The following ENPP7 variants were observed in gnomAD, a reference collection of about 807,000 sequenced individuals.
The protein encoded by ENPP7 is ectonucleotide pyrophosphatase/phosphodiesterase 7, also known as ectonucleotide pyrophosphatase/phosphodiesterase family member 7.
A neutral mutation model predicts 33.6 loss-of-function variants in ENPP7; 39 were observed. That is an observed-to-expected ratio of 1.16 (90% confidence interval 0.90 to 1.52). The LOEUF (loss-of-function observed/expected upper bound fraction) is 1.52. Among genes scored for constraint, ENPP7 ranks in the 40% most tolerant of loss-of-function variants. The pLI is 0.00. For missense variants in ENPP7, 594 were observed against 641.0 expected, an observed-to-expected ratio of 0.93 and a Z score of 0.79; for synonymous variants, 244 against 274.3, an observed-to-expected ratio of 0.89 and a Z score of 1.09.
chr17:79,737,924 C>G lies in ENPP7; in HGVS notation c.1255C>G (p.Leu419Val). 1 of 1,613,842 alleles carries G rather than the reference C, an allele frequency of 6.2e-7. No homozygotes were observed. Among genetic ancestry groups the G allele is most frequent in the Non-Finnish European group, 8.5e-7 (1 of 1,180,010 alleles). Residue 419 changes from leucine (L) to valine (V), a missense_variant, in exon 5 of 6, where the codon CTT (leucine) becomes GTT (valine). Physicochemically the swap from Leu to Val is conservative, Grantham distance 32. Coordinates refer to ENST00000328313, the MANE Select transcript of ENPP7 (RefSeq NM_178543.5). The surrounding 1 kb of genome is among the most constrained non-coding windows in gnomAD (Gnocchi z 5.5). ...LLPMLHTESA[L>V]PPDGRPTLLP... ...CCTCTGGCTTTCCTTAGAATCTGCT[C>G]TTCCGCCTGATGGAAGGCCTACTCT...
chr17:79,736,534 G>GGT (rs2094296051), intron 3 of ENPP7, among the ~76,000 whole-genome samples: 1 of 110,902 alleles, frequency 9.0e-6, no homozygotes, highest in Admixed American at 8.3e-5. Context: ...CTGTGTGATA[G>GGT]GCGTGTGTGT....
Position 79,731,239 on chromosome 17 carries a change from C to T in ENPP7, c.100C>T (p.Leu34Phe), listed in dbSNP as rs1555822433. 2 of 1,613,272 alleles carry T rather than the reference C, an allele frequency of 1.2e-6. No individual in the cohort carries two copies. Among genetic ancestry groups the T allele is most frequent in the Non-Finnish European group, 1.7e-6 (2 of 1,179,988 alleles). Residue 34 changes from leucine (L) to phenylalanine (F), a missense_variant, in exon 1 of 6, where the codon CTC (leucine) becomes TTC (phenylalanine). By Grantham distance (22) the Leu-to-Phe change is conservative. Transcript: ENST00000328313. Reference protein sequence around the residue: ...VQSQGSQNKLLLVSFDGFRWN... With the variant: ...VQSQGSQNKLFLVSFDGFRWN... ...AAGTCAGGGCTCCCAGAACAAGCTG[C>T]TCCTGGTGTCCTTCGACGGCTTCCG...
rs1322376581 is a variant in ENPP7, at chr17:79,737,387, G to C, written c.1246+127G>C. 7 of 717,258 alleles carry C rather than the reference G, an allele frequency of 9.8e-6. No homozygotes were observed. The highest frequency in any genetic ancestry group is 1.7e-5 in the Non-Finnish European group (7 of 423,430). The allele number at this position is 717,258 out of a possible 1,614,324, so 44.4% of individuals were successfully genotyped here. A position where few individuals can be genotyped will look rare whatever the true frequency, so the allele number is the denominator to read the frequency against. On this transcript the variant is annotated intron_variant, in intron 4 of 5. Transcript: ENST00000328313. This position sits in a 1 kb window ranked among gnomAD's most constrained non-coding sequence, Gnocchi z 5.5. ...TGGGGCCACCTCCCCTGGCTTTGGAGAACACCAGAATCTCTCACATTCCCA... is the reference window on the plus strand; with the variant it reads ...TGGGGCCACCTCCCCTGGCTTTGGACAACACCAGAATCTCTCACATTCCCA...
In ENPP7 at chr17:79,730,999, G is replaced by A. The variant is rs570302644; in HGVS notation, c.-141G>A. On this transcript the variant is annotated 5_prime_UTR_variant, in exon 1 of 6. Coordinates refer to ENST00000328313, the MANE Select transcript of ENPP7 (RefSeq NM_178543.5). ...TGACACGGCTGGGGAGCCCACTCCC[G>A]AGGTTCGACCCGGGGATGTGCACAG... 1.4e-4 allele frequency: 129 copies of A among 925,468 alleles called. 1 individual carries two copies. In the East Asian group the frequency reaches 3.1e-3, roughly 22 times the overall value. The allele number at this position is 925,468 out of a possible 1,614,324, so 57.3% of individuals were successfully genotyped here. A position where few individuals can be genotyped will look rare whatever the true frequency, so the allele number is the denominator to read the frequency against.
At position 79,738,664 on chromosome 17, in the gene ENPP7, G is replaced by A. The variant is rs1488220253; in HGVS notation, c.*16+602G>A. ...CACGCGTGGGGTGCATTTGGGAGGAGAGCTCCGGGGCTGCGTTCCTGGAAC... is the reference window on the plus strand; with the variant it reads ...CACGCGTGGGGTGCATTTGGGAGGAAAGCTCCGGGGCTGCGTTCCTGGAAC... On this transcript the variant is annotated intron_variant, in intron 5 of 5. Coordinates refer to ENST00000328313, the MANE Select transcript of ENPP7 (RefSeq NM_178543.5). This position sits in a 1 kb window ranked among gnomAD's most constrained non-coding sequence, Gnocchi z 6.2. 2 of 151,664 alleles carry A rather than the reference G, an allele frequency of 1.3e-5. No individual in the cohort carries two copies. The highest frequency in any genetic ancestry group is 2.4e-5 in the African/African-American group (1 of 41,202). The allele number at this position is 151,664 out of a possible 1,614,324, so 9.4% of individuals were successfully genotyped here.
intron 3 of ENPP7, among the ~76,000 whole-genome samples, chr17:79,736,691 C>A (rs868958470): frequency 2.6e-5 from 4 of 152,156 alleles, no homozygotes; most frequent in African/African-American, 7.2e-5. Context: ...GATGCTGAGC[C>A]GGAAGCGAAG....
In ENPP7 at chr17:79,737,226, G is replaced by T. The variant is rs2094297635; in HGVS notation, c.1212G>T (p.Gly404=). The T allele has an allele frequency of 6.2e-7, 1 of 1,610,250 alleles. No homozygotes were observed. Among genetic ancestry groups the T allele is most frequent in the South Asian group, 1.1e-5 (1 of 91,026 alleles). ...GCATCGTGCCCGAGGCCAACGATGG[G>T]CACCTAGCTACTCTGCTGCCCATGC... ...LLGIVPEAND[G]HLATLLPMLH... The change falls in exon 4 of 6, where the codon GGG becomes GGT. Residue 404 remains glycine (G), a synonymous_variant. Coordinates refer to ENST00000328313, the MANE Select transcript of ENPP7 (RefSeq NM_178543.5). The surrounding 1 kb of genome is among the most constrained non-coding windows in gnomAD (Gnocchi z 5.5).
chr17:79,741,783 T>G lies in ENPP7; in HGVS notation c.*17-11T>G. 4 of 985,740 alleles carry G rather than the reference T, an allele frequency of 4.1e-6. No homozygotes were observed. The highest frequency in any genetic ancestry group is 4.8e-6 in the Non-Finnish European group (4 of 830,266). 61.1% of individuals were successfully genotyped at this position (985,740 alleles called of 1,614,324 possible). A position where few individuals can be genotyped will look rare whatever the true frequency, so the allele number is the denominator to read the frequency against. The stretch of plus-strand genomic sequence containing the variant: ...TCCTCCCAGACCAACGCGTGCTGCT[T>G]GCTCTTCCAGGAAGCCGCCGGGAGC... On this transcript the variant is annotated splice_polypyrimidine_tract_variant and intron_variant, in intron 5 of 5. Transcript: ENST00000328313.
At chr17:79,736,258 C>G (rs145221843) in intron 3 of ENPP7, among the ~76,000 whole-genome samples, 2 of 152,176 alleles carry the variant, frequency 1.3e-5, no homozygotes, top group Non-Finnish European at 2.9e-5. Context: ...AGGCTGGTCT[C>G]AAACTCCTGG....
chr17:79,737,836 G>T lies in ENPP7; in HGVS notation c.1247-80G>T. 1 of 1,502,122 alleles carries T rather than the reference G, an allele frequency of 6.7e-7. No individual in the cohort carries two copies. 93.0% of individuals were successfully genotyped at this position (1,502,122 alleles called of 1,614,324 possible). ...AAGGAGGGGCTCGTGGGGACCAACA[G>T]AGGACCCCGAGTTTACTGTGGAGAG... On this transcript the variant is annotated intron_variant, in intron 4 of 5. Transcript: ENST00000328313. The surrounding 1 kb of genome is among the most constrained non-coding windows in gnomAD (Gnocchi z 5.5).
At chr17:79,734,153 C>A (rs112343604) in intron 2 of ENPP7, among the ~76,000 whole-genome samples, 8,563 of 148,698 alleles carry the variant, frequency 0.058, 300 homozygotes, top group Middle Eastern at 0.082. Context: ...CCCCCACCCA[C>A]CCCCAGTTTG....
Position 79,738,040 on chromosome 17 carries a change from C to T in ENPP7, c.1371C>T (p.Val457=), listed in dbSNP as rs781840796. Residue 457 remains valine (V), a synonymous_variant, in exon 5 of 6, where the codon GTC becomes GTT. Transcript: ENST00000328313. This position sits in a 1 kb window ranked among gnomAD's most constrained non-coding sequence, Gnocchi z 6.2. ...LLGTVILLSE[V]A ...GGACCGTGATTCTTCTGTCTGAGGT[C>T]GCATAACGCCCCATGGCTCAAGGTC... 1.4e-5 allele frequency: 22 copies of T among 1,610,768 alleles called. No homozygotes were observed. In the African/African-American group the frequency reaches 1.6e-4, roughly 12 times the overall value.
Position 79,737,002 on chromosome 17 carries a change from C to A in ENPP7, c.1027-39C>A. On this transcript the variant is annotated intron_variant, in intron 3 of 5. Transcript: ENST00000328313. The surrounding 1 kb of genome is among the most constrained non-coding windows in gnomAD (Gnocchi z 5.5). ...GGGTAGGCGGAGAGGGTCTGTTGCT[C>A]CCAGCAAGGACCCAGGACCCTTGCC... The A allele has an allele frequency of 6.3e-7, 1 of 1,587,808 alleles. No individual in the cohort carries two copies.
rs782659227 is a variant in ENPP7 at position 79,737,307 on chromosome 17, G to A, written c.1246+47G>A. The stretch of plus-strand genomic sequence containing the variant: ...TCCCCGCCTGCTCTGGTGTGTACAC[G>A]TGTGCACACGAGGGTGCCTGCATGC... On this transcript the variant is annotated intron_variant, in intron 4 of 5. Transcript: ENST00000328313. The surrounding 1 kb of genome is among the most constrained non-coding windows in gnomAD (Gnocchi z 5.5). 2.9e-5 allele frequency: 43 copies of A among 1,479,278 alleles called. No individual in the cohort carries two copies. The highest frequency in any genetic ancestry group is 3.9e-5 in the Admixed American group (2 of 51,336). The allele number at this position is 1,479,278 out of a possible 1,614,324, so 91.6% of individuals were successfully genotyped here.
chr17:79,736,241 G>T (rs1555823571), intron 3 of ENPP7, among the ~76,000 whole-genome samples: 1 of 152,196 alleles, frequency 6.6e-6, no homozygotes, highest in Non-Finnish European at 1.5e-5. Flanking sequence ...GGTTTTGCAT[G>T]TTGGCCAGGC....
Position 79,733,640 on chromosome 17 carries a change from C to A in ENPP7, c.386C>A (p.Thr129Lys), listed in dbSNP as rs782006820. The stretch of plus-strand genomic sequence containing the variant: ...AACGGCAGCGTGCCCATCTGGATCA[C>A]AGCCCAGAGGCAGGTAATGTCACCC... ...WDNGSVPIWI[T>K]AQRQGLRAGS... is the part of the protein sequence containing the mutation. The change falls in exon 2 of 6, where the codon ACA becomes AAA. Residue 129 changes from threonine to lysine, a missense_variant. Coordinates refer to ENST00000328313, the MANE Select transcript of ENPP7 (RefSeq NM_178543.5). 1 of 1,611,934 alleles carries A rather than the reference C, an allele frequency of 6.2e-7. No homozygotes were observed.
Position 79,735,367 on chromosome 17 carries a change from A to ACCACG in ENPP7, c.724_725insCCACG (p.Ile242ThrfsTer10). 1.2e-6 allele frequency: 2 copies of ACCACG among 1,613,886 alleles called. No individual in the cohort carries two copies. The highest frequency in any genetic ancestry group is 2.2e-5 in the South Asian group (2 of 91,080). ...CCACCTCACAGACCGCCTCAACCTG[A>ACCACG]TCATCACATCCGACCACGGCATGAC... On this transcript the variant is annotated frameshift_variant, in exon 3 of 6. Coordinates refer to ENST00000328313, the MANE Select transcript of ENPP7 (RefSeq NM_178543.5). LOFTEE classifies it high-confidence loss of function. The surrounding 1 kb of genome is among the most constrained non-coding windows in gnomAD (Gnocchi z 5.5).
Position 79,738,151 on chromosome 17 carries a change from A to G in ENPP7, c.*16+89A>G. ...GTCCCAGCTACAGTCCTAGGCAACCAGAACAGAGCTGCCAGGCCCCGCCAA... is the reference window on the plus strand; with the variant it reads ...GTCCCAGCTACAGTCCTAGGCAACCGGAACAGAGCTGCCAGGCCCCGCCAA... On this transcript the variant is annotated intron_variant, in intron 5 of 5. Transcript: ENST00000328313. This position sits in a 1 kb window ranked among gnomAD's most constrained non-coding sequence, Gnocchi z 6.2. 1.4e-6 allele frequency: 2 copies of G among 1,392,496 alleles called. No homozygotes were observed. Among genetic ancestry groups the G allele is most frequent in the Non-Finnish European group, 2.0e-6 (2 of 1,012,518 alleles). 86.3% of individuals were successfully genotyped at this position (1,392,496 alleles called of 1,614,324 possible). A position where few individuals can be genotyped will look rare whatever the true frequency, so the allele number is the denominator to read the frequency against.
rs1490901920 is a variant in ENPP7, at chr17:79,735,459, C to T, written c.816C>T (p.Asp272=). ...AGTTCCCCAACTTCACCTTCCGGGA[C>T]ATCGAGTTTGAGCTCCTGGACTACG... ...FHKFPNFTFR[D]IEFELLDYGP... Residue 272 remains aspartate, a synonymous_variant, in exon 3 of 6, where the codon GAC becomes GAT. Transcript: ENST00000328313. The surrounding 1 kb of genome is among the most constrained non-coding windows in gnomAD (Gnocchi z 5.5). The T allele has an allele frequency of 1.9e-6, 3 of 1,614,010 alleles. No individual in the cohort carries two copies. Among genetic ancestry groups the T allele is most frequent in the East Asian group, 2.2e-5 (1 of 44,900 alleles).
Sources: gnomAD v4.1 joint callset for allele counts (sites outside exome capture counted in the v4.1 genomes callset) on GRCh38, gnomAD v4.1.1 for gene constraint, Gnocchi (gnomAD v3.1) non-coding constraint, MANE v1.5 for transcripts, NCBI Gene and HGNC (gene_info 2026-07-23, HGNC 2026-07-21) for gene names.